Variants in ATP10B observed in about 807,000 individuals in gnomAD.
ATP10B encodes ATPase phospholipid transporting 10B (putative), also known as phospholipid-transporting ATPase VB.
ATP10B carries 122 observed loss-of-function variants against 141.2 expected under a neutral mutation model. That is an observed-to-expected ratio of 0.86 (90% CI 0.75 to 1.00). The LOEUF is 1.00. Among genes scored for constraint, ATP10B ranks in the 50% least tolerant of loss-of-function variants. The pLI is 0.00. For missense variants in ATP10B, 1,876 were observed against 1,825.3 expected, an observed-to-expected ratio of 1.03 and a Z score of -0.51; for synonymous variants, 685 against 692.0, an observed-to-expected ratio of 0.99 and a Z score of 0.16.
At chr5:160,795,336 A>G (rs1224066520) in intron 1 of ATP10B, among the ~76,000 whole-genome samples, 2 of 152,194 alleles carry the variant, frequency 1.3e-5, no homozygotes, top group South Asian at 2.1e-4. Context: ...GGGTAAAACC[A>G]TTGAAGACTG....
At chr5:160,742,305 C>G (rs149522529) in intron 2 of ATP10B, among the ~76,000 whole-genome samples, 1 of 152,138 alleles carries the variant, frequency 6.6e-6, no homozygotes, top group Non-Finnish European at 1.5e-5. Context: ...ATGACATCCC[C>G]CCTAATGCTG....
chr5:160,748,960 A>T (rs930540458), intron 2 of ATP10B, among the ~76,000 whole-genome samples: 1 of 152,182 alleles, frequency 6.6e-6, no homozygotes, highest in Admixed American at 6.5e-5. Context: ...ATTCATAGTA[A>T]TGTTTGGGAG....
chr5:160,676,116 A>G (rs763388013), intron 6 of ATP10B, among the ~76,000 whole-genome samples: 4 of 152,200 alleles, frequency 2.6e-5, no homozygotes, highest in Admixed American at 1.3e-4. Context: ...ACATTAATAC[A>G]GTATAAAGTT....
chr5:160,801,060 T>G (rs1470972009), intron 1 of ATP10B, among the ~76,000 whole-genome samples: 1 of 152,176 alleles, frequency 6.6e-6, no homozygotes, highest in African/African-American at 2.4e-5. Flanking sequence ...TTGTGGAGTT[T>G]CACATACACT....
intron 1 of ATP10B, among the ~76,000 whole-genome samples, chr5:160,845,874 T>C (rs772638440): frequency 6.6e-6 from 1 of 152,144 alleles, no homozygotes; most frequent in Non-Finnish European, 1.5e-5. Flanking sequence ...AAAAAATACA[T>C]GTACTAACAA....
At chr5:160,889,593 A>C in the ATP10B span, among the ~76,000 whole-genome samples, 1 of 152,222 alleles carries the variant, frequency 6.6e-6, no homozygotes, top group Admixed American at 6.5e-5. Context: ...CACGCTGTGC[A>C]CTGAAGACAC....
chr5:160,916,932 A>G, the ATP10B span, among the ~76,000 whole-genome samples: 4 of 152,192 alleles, frequency 2.6e-5, no homozygotes, highest in African/African-American at 9.6e-5. Context: ...TAGAACACAG[A>G]TGAAAGCTTC....
intron 6 of ATP10B, among the ~76,000 whole-genome samples, chr5:160,675,042 G>A (rs1197964394): frequency 2.6e-5 from 4 of 152,206 alleles, no homozygotes; most frequent in Non-Finnish European, 4.4e-5. Context: ...TTCAGTCAGG[G>A]GAGGTGATGA....
the ATP10B span, among the ~76,000 whole-genome samples, chr5:160,907,422 G>A: frequency 6.6e-6 from 1 of 151,946 alleles, no homozygotes; most frequent in Non-Finnish European, 1.5e-5. Context: ...CCAGGCTGGA[G>A]TGCAGTGGTA....
chr5:160,688,226 A>T, intron 4 of ATP10B, 132 bp from the exon 5 acceptor site: 1 of 866,566 alleles, frequency 1.2e-6, no homozygotes, highest in Non-Finnish European at 1.7e-6. Flanking sequence ...CTTCCTTGTA[A>T]CTAAAGGTCA....
intron 1 of ATP10B, among the ~76,000 whole-genome samples, chr5:160,840,638 GAA>G (rs1174018836): frequency 6.6e-6 from 1 of 152,010 alleles, no homozygotes; most frequent in East Asian, 1.9e-4. Flanking sequence ...CTAGGTTTAT[GAA>G]AAAGTTTTTA....
chr5:160,776,166 T>C (rs1770293618), intron 2 of ATP10B, among the ~76,000 whole-genome samples: 1 of 152,130 alleles, frequency 6.6e-6, no homozygotes, highest in Non-Finnish European at 1.5e-5. Context: ...GGCTGTAAAA[T>C]CCATGGGGGC....
chr5:160,837,268 T>C (rs1385905688), intron 1 of ATP10B, among the ~76,000 whole-genome samples: 1 of 152,190 alleles, frequency 6.6e-6, no homozygotes, highest in Non-Finnish European at 1.5e-5. Flanking sequence ...CAGCTACATA[T>C]TGTTACTATA....
chr5:160,656,465 G>C (rs923208005), intron 7 of ATP10B, among the ~76,000 whole-genome samples: 1 of 152,140 alleles, frequency 6.6e-6, no homozygotes, highest in African/African-American at 2.4e-5. Context: ...TTAAGCTACT[G>C]CATCTTGTCT....
intron 2 of ATP10B, among the ~76,000 whole-genome samples, chr5:160,723,706 A>C (rs1766129876): frequency 6.6e-6 from 1 of 152,168 alleles, no homozygotes; most frequent in Admixed American, 6.5e-5. Flanking sequence ...TGTTATTTAC[A>C]CTAATGTATA....
At chr5:160,589,552 G>A (rs1336311441) in intron 24 of ATP10B, 40 bp downstream of exon 24, 1 of 1,477,270 alleles carries the variant, frequency 6.8e-7, no homozygotes, top group Non-Finnish European at 9.5e-7. Context: ...CAATGGGCAG[G>A]AGCACAGTTT....
the ATP10B span, among the ~76,000 whole-genome samples, chr5:160,890,278 T>A: frequency 6.6e-6 from 1 of 152,216 alleles, no homozygotes; most frequent in Non-Finnish European, 1.5e-5. Context: ...CCTGCTGAGT[T>A]TTTTTTGTAA....
chr5:160,605,990 T>C (rs952631979), intron 19 of ATP10B, among the ~76,000 whole-genome samples: 1 of 152,164 alleles, frequency 6.6e-6, no homozygotes, highest in Admixed American at 6.5e-5. Context: ...AGGAAATAAC[T>C]TGTGCAAAGG....
At chr5:160,730,034 C>T (rs1032821699) in intron 2 of ATP10B, among the ~76,000 whole-genome samples, 2 of 152,134 alleles carry the variant, frequency 1.3e-5, no homozygotes, top group African/African-American at 4.8e-5. Context: ...AATATAAAAG[C>T]CCACAGTGTG....
Sources: allele counts gnomAD v4.1 joint callset (sites outside exome capture counted in the v4.1 genomes callset), GRCh38; gene constraint gnomAD v4.1.1; transcripts MANE v1.5; gene names NCBI Gene and HGNC (gene_info 2026-07-23, HGNC 2026-07-21).